Variants in ESRRG observed in about 807,000 individuals in gnomAD.
The protein encoded by ESRRG is estrogen-related receptor gamma.
ESRRG carries 13 observed loss-of-function variants against 44.0 expected under a neutral mutation model. The observed-to-expected ratio is 0.30, with a 90% CI of 0.19 to 0.47. The LOEUF (loss-of-function observed/expected upper bound fraction) is 0.47. Ranked by LOEUF, ESRRG falls within the 20% of genes least tolerant of loss-of-function variation. The pLI, the probability that ESRRG is intolerant of heterozygous loss-of-function variation, is 1.00. For missense variants in ESRRG, 395 were observed against 580.6 expected (o/e 0.68, Z 3.29); for synonymous variants, 215 against 214.6 (o/e 1.00, Z -0.02).
At chr1:216,538,332 T>C (rs1403034360) in intron 5 of ESRRG, among the ~76,000 whole-genome samples, 1 of 151,984 alleles carries the variant, frequency 6.6e-6, no homozygotes, top group African/African-American at 2.4e-5. Flanking sequence ...GTTTGCAGAA[T>C]TGAAAAATCA....
chr1:216,796,744 C>T (rs1395356599), intron 2 of ESRRG, among the ~76,000 whole-genome samples: 1 of 152,028 alleles, frequency 6.6e-6, no homozygotes, highest in Non-Finnish European at 1.5e-5. Context: ...ATTTTACCAC[C>T]AGCCCTCTCC....
intron 2 of ESRRG, among the ~76,000 whole-genome samples, chr1:216,825,487 A>AT (rs943135619): frequency 2.8e-4 from 42 of 151,768 alleles, no homozygotes; most frequent in Admixed American, 4.6e-4. Flanking sequence ...AGCCCTTTGA[A>AT]TTTTTTTTTA....
chr1:216,739,658 T>A (rs1376884142), intron 2 of ESRRG, among the ~76,000 whole-genome samples: 1 of 152,138 alleles, frequency 6.6e-6, no homozygotes, highest in Non-Finnish European at 1.5e-5. Context: ...TCCAGGTGAT[T>A]CTGATGCATG....
intron 2 of ESRRG, among the ~76,000 whole-genome samples, chr1:216,779,494 T>TTATATATATAAATATAAATTTATATTTA (rs368551045): frequency 2.2e-4 from 1 of 4,606 alleles, no homozygotes; most frequent in Non-Finnish European, 3.3e-4. Context: ...AAATATATAT[T>TTATATATATAAATATAAATTTATATTTA]TATATATAAA....
chr1:216,525,515 G>A (rs1325252266), intron 5 of ESRRG, among the ~76,000 whole-genome samples: 2 of 126,780 alleles, frequency 1.6e-5, no homozygotes, highest in African/African-American at 8.7e-5. Context: ...GGGCTGAGCT[G>A]CCTTAAGTTA....
chr1:216,667,036 G>C (rs2074088531), intron 2 of ESRRG, among the ~76,000 whole-genome samples: 1 of 152,128 alleles, frequency 6.6e-6, no homozygotes. Context: ...ACCCAGACGG[G>C]TCAGGATAGG....
chr1:216,781,495 C>G (rs962917141), intron 2 of ESRRG, among the ~76,000 whole-genome samples: 4 of 151,990 alleles, frequency 2.6e-5, no homozygotes, highest in Non-Finnish European at 5.9e-5. Context: ...CAGAAGAGGT[C>G]CATCAACAAG....
At chr1:216,561,870 C>T (rs1218670913) in intron 5 of ESRRG, among the ~76,000 whole-genome samples, 1 of 152,174 alleles carries the variant, frequency 6.6e-6, no homozygotes, top group East Asian at 1.9e-4. Context: ...GAGAGAATAA[C>T]GTCAGTCCCC....
At chr1:216,801,855 A>G (rs1342084626) in intron 2 of ESRRG, among the ~76,000 whole-genome samples, 1 of 152,156 alleles carries the variant, frequency 6.6e-6, no homozygotes, top group East Asian at 1.9e-4. Flanking sequence ...TTTCTACTTC[A>G]GAGGAAATCC....
chr1:216,750,644 C>T (rs1416462738), intron 2 of ESRRG, among the ~76,000 whole-genome samples: 1 of 152,092 alleles, frequency 6.6e-6, no homozygotes, highest in Admixed American at 6.6e-5. Flanking sequence ...TGACAACCTA[C>T]TGTCCAGTGG....
At chr1:216,579,473 T>C (rs1235011847) in intron 3 of ESRRG, among the ~76,000 whole-genome samples, 3 of 152,132 alleles carry the variant, frequency 2.0e-5, no homozygotes, top group Non-Finnish European at 4.4e-5. Context: ...ATGTGAAGTA[T>C]TGTACATGTG....
At chr1:216,925,716 C>G (rs1578220373) in intron 2 of ESRRG, among the ~76,000 whole-genome samples, 1 of 151,200 alleles carries the variant, frequency 6.6e-6, no homozygotes, top group South Asian at 2.1e-4. Flanking sequence ...TTTGGGAGGC[C>G]GAGGAGGAAG....
intron 3 of ESRRG, among the ~76,000 whole-genome samples, chr1:216,641,889 G>T (rs902042282): frequency 2.0e-5 from 3 of 152,182 alleles, no homozygotes; most frequent in Non-Finnish European, 1.5e-5. Flanking sequence ...CTCTCACAGT[G>T]CTGGGAAACT....
At chr1:216,660,466 C>A (rs1444104945) in intron 2 of ESRRG, among the ~76,000 whole-genome samples, 1 of 152,198 alleles carries the variant, frequency 6.6e-6, no homozygotes, top group Admixed American at 6.5e-5. Flanking sequence ...AGCTAACAAG[C>A]ACTAGAGCCA....
At chr1:216,816,742 G>A (rs938459482) in intron 2 of ESRRG, among the ~76,000 whole-genome samples, 5 of 152,098 alleles carry the variant, frequency 3.3e-5, no homozygotes, top group Admixed American at 6.6e-5. Flanking sequence ...AGAAATAAAC[G>A]AATCATACAT....
chr1:217,086,005 C>T (rs2092066493), intron 1 of ESRRG, among the ~76,000 whole-genome samples: 1 of 150,080 alleles, frequency 6.7e-6, no homozygotes, highest in South Asian at 2.1e-4. Context: ...GAGAAAACTT[C>T]TTCCTTTGCA....
At chr1:216,627,567 C>T (rs1440452966) in intron 3 of ESRRG, among the ~76,000 whole-genome samples, 5 of 152,112 alleles carry the variant, frequency 3.3e-5, no homozygotes, top group Non-Finnish European at 5.9e-5. Flanking sequence ...AAACTTTAAC[C>T]TTTGATAGAT....
chr1:216,692,152 G>T (rs1030884957), intron 1 of ESRRG, among the ~76,000 whole-genome samples: 5 of 151,892 alleles, frequency 3.3e-5, no homozygotes, highest in African/African-American at 1.2e-4. Flanking sequence ...ACAGCCTCAG[G>T]CAGGTCCTTC....
At chr1:216,775,941 T>A (rs1033017834) in intron 2 of ESRRG, among the ~76,000 whole-genome samples, 1 of 151,986 alleles carries the variant, frequency 6.6e-6, no homozygotes, top group African/African-American at 2.4e-5. Flanking sequence ...TTGAAGCTAC[T>A]CTTTCCTCTC....
Sources: allele counts gnomAD v4.1 joint callset (sites outside exome capture counted in the v4.1 genomes callset), GRCh38; gene constraint gnomAD v4.1.1; transcripts MANE v1.5; gene names NCBI Gene and HGNC (gene_info 2026-07-23, HGNC 2026-07-21).